The following GJC1 variants were observed in gnomAD, a reference collection of about 807,000 sequenced individuals.
GJC1 encodes gap junction gamma-1 protein.
A neutral mutation model predicts 29.3 loss-of-function variants in GJC1; 5 were observed. The ratio of observed to expected loss-of-function variants is 0.17; its 90% CI spans 0.09 to 0.36. The LOEUF (loss-of-function observed/expected upper bound fraction) is 0.36, where lower values mean the gene tolerates loss of function less well. Among genes scored for constraint, GJC1 ranks in the 10% least tolerant of loss-of-function variants. The probability of loss-of-function intolerance (pLI) is 1.00; values close to 1 mark genes in which losing one functional copy is unlikely to be tolerated. For missense variants in GJC1, 310 were observed against 496.2 expected (o/e 0.62, Z 3.56); for synonymous variants, 177 against 183.3 (o/e 0.97, Z 0.28).
At chr17:44,822,463 G>A (rs934726143) in intron 1 of GJC1, among the ~76,000 whole-genome samples, 3 of 151,494 alleles carry the variant, frequency 2.0e-5, no homozygotes, top group Non-Finnish European at 4.4e-5. Context: ...CCAACATGGT[G>A]AAACCCTATC....
chr17:44,823,091 T>C (rs1218089596), intron 1 of GJC1, among the ~76,000 whole-genome samples: 1 of 152,022 alleles, frequency 6.6e-6, no homozygotes, highest in Non-Finnish European at 1.5e-5. Context: ...AACTGATAAA[T>C]ACTACAAACA....
chr17:44,795,469 G>C (rs1237037960), downstream of GJC1, among the ~76,000 whole-genome samples: 1 of 152,148 alleles, frequency 6.6e-6, no homozygotes, highest in Non-Finnish European at 1.5e-5. Flanking sequence ...TCCTGACCTC[G>C]TGATCCACCC....
intron 1 of GJC1, among the ~76,000 whole-genome samples, chr17:44,818,174 T>C (rs1346582290): frequency 6.6e-6 from 1 of 151,612 alleles, no homozygotes; most frequent in African/African-American, 2.4e-5. Context: ...GATTGCGCCA[T>C]TGCACTCCAG....
intron 1 of GJC1, among the ~76,000 whole-genome samples, chr17:44,811,873 C>T (rs1030919169): frequency 6.6e-6 from 1 of 151,892 alleles, no homozygotes; most frequent in Non-Finnish European, 1.5e-5. Flanking sequence ...CATGGTGGCA[C>T]GTGCCCATAA....
At chr17:44,823,746 C>T (rs1488966893) in intron 1 of GJC1, among the ~76,000 whole-genome samples, 105 of 147,624 alleles carry the variant, frequency 7.1e-4, no homozygotes, top group Admixed American at 1.2e-3. Context: ...GAGTCTTGTT[C>T]TGTCGCCTAG....
downstream of GJC1, chr17:44,794,854 C>T (rs1010136882): frequency 1.3e-5 from 2 of 152,156 alleles, no homozygotes; most frequent in African/African-American, 2.4e-5. Flanking sequence ...AAGACAAAGT[C>T]GGCAGTTCTT....
In GJC1 at chr17:44,802,430, T is replaced by C. The variant is rs1223698962; in HGVS notation, c.*2197A>G. 6.6e-6 allele frequency: 1 copy of C among 152,242 alleles called. No individual in the cohort carries two copies. Among genetic ancestry groups the C allele is most frequent in the Non-Finnish European group, 1.5e-5 (1 of 68,042 alleles). The allele number at this position is 152,242 out of a possible 1,614,324, so 9.4% of individuals were successfully genotyped here. A position where few individuals can be genotyped will look rare whatever the true frequency, so the allele number is the denominator to read the frequency against. On this transcript the variant is annotated 3_prime_UTR_variant, in exon 3 of 3. Coordinates refer to ENST00000592524, the MANE Select transcript of GJC1 (RefSeq NM_005497.4). The stretch of plus-strand genomic sequence containing the variant: ...TGTTAAGAATTAACTGGTAGTTCTT[T>C]ATCTTAGCTAGGCTTATGTATTCCA...
intron 1 of GJC1, among the ~76,000 whole-genome samples, chr17:44,817,458 C>T (rs1443194166): frequency 6.6e-6 from 1 of 151,792 alleles, no homozygotes; most frequent in Non-Finnish European, 1.5e-5. Context: ...TGCCTGTAAT[C>T]CCAGCACTTT....
chr17:44,810,515 CAA>C (rs2049966368), intron 1 of GJC1, among the ~76,000 whole-genome samples: 1 of 152,108 alleles, frequency 6.6e-6, no homozygotes, highest in Non-Finnish European at 1.5e-5. Flanking sequence ...TTTCCATAGA[CAA>C]TCCTAAGAGC....
intron 1 of GJC1, among the ~76,000 whole-genome samples, chr17:44,818,334 G>A (rs1409593126): frequency 5.3e-5 from 8 of 152,130 alleles, no homozygotes; most frequent in Admixed American, 4.6e-4. Flanking sequence ...AACAGAACAA[G>A]CTTTCTTGGT....
chr17:44,812,802 C>T (rs926353562), intron 1 of GJC1, among the ~76,000 whole-genome samples: 2 of 151,784 alleles, frequency 1.3e-5, no homozygotes, highest in Non-Finnish European at 2.9e-5. Context: ...CCCGTGCCAC[C>T]ATGCCCGGCT....
rs995313548 is a variant in GJC1, at chr17:44,803,735, A to C, written c.*892T>G. 1.3e-5 allele frequency: 2 copies of C among 152,230 alleles called. No individual in the cohort carries two copies. The highest frequency in any genetic ancestry group is 2.4e-5 in the African/African-American group (1 of 41,460). The allele number at this position is 152,230 out of a possible 1,614,324, so 9.4% of individuals were successfully genotyped here. ...AGGCAAATCAAACAGGTTCACAACT[A>C]AGCAGCCTATTAGGGATTCCAGGCA... On this transcript the variant is annotated 3_prime_UTR_variant, in exon 3 of 3. Transcript: ENST00000592524.
chr17:44,805,032 T>A lies in GJC1; in HGVS notation c.786A>T (p.Leu262=), dbSNP rs755501283. ...HLGFGTIRDS[L]NSKRRELEDP... ...CCTCAAGTTCCCTCCTTTTACTGTTTAGTGAGTCTCGAATGGTCCCAAACC... is the reference window on the plus strand; with the variant it reads ...CCTCAAGTTCCCTCCTTTTACTGTTAAGTGAGTCTCGAATGGTCCCAAACC... Residue 262 remains leucine, a synonymous_variant, in exon 3 of 3, where the codon CTA becomes CTT. Transcript: ENST00000592524. The surrounding 1 kb of genome is among the most constrained non-coding windows in gnomAD (Gnocchi z 5.1). 1.9e-6 allele frequency: 3 copies of A among 1,614,072 alleles called. No individual in the cohort carries two copies. Among genetic ancestry groups the A allele is most frequent in the Non-Finnish European group, 2.5e-6 (3 of 1,180,032 alleles).
rs59152296 is a variant in GJC1, at chr17:44,822,196, C to CAA, written c.-97+7864_-97+7865dup. On this transcript the variant is annotated intron_variant, in intron 1 of 2. Transcript: ENST00000592524. ...TGGGAGACAGATCGAGACTCCGTCT[C>CAA]AAAAAAAAAAAAAAAAAAAAAAAAA... Among the ~76,000 whole-genome samples, 429 of 47,530 alleles carry CAA rather than the reference C, an allele frequency of 9.0e-3. 46 individuals carry two copies. The highest frequency in any genetic ancestry group is 0.027 in the African/African-American group (386 of 14,488). The allele number at this position is 47,530 out of a possible 152,430, so 31.2% of individuals were successfully genotyped here. A position where few individuals can be genotyped will look rare whatever the true frequency, so the allele number is the denominator to read the frequency against.
rs925636961 is a variant in GJC1 at position 44,802,827 on chromosome 17, T to G, written c.*1800A>C. 6 of 152,026 alleles carry G rather than the reference T, an allele frequency of 3.9e-5. No individual in the cohort carries two copies. Among genetic ancestry groups the G allele is most frequent in the African/African-American group, 1.4e-4 (6 of 41,390 alleles). The allele number at this position is 152,026 out of a possible 1,614,324, so 9.4% of individuals were successfully genotyped here. A position where few individuals can be genotyped will look rare whatever the true frequency, so the allele number is the denominator to read the frequency against. ...CTGGGTAACATAGTGAGACCTCATC[T>G]CTACAAAAAAAATTTTTAAAACAGA... On this transcript the variant is annotated 3_prime_UTR_variant, in exon 3 of 3. Coordinates refer to ENST00000592524, the MANE Select transcript of GJC1 (RefSeq NM_005497.4).
At chr17:44,828,926 C>T (rs1196150556) in intron 1 of GJC1, among the ~76,000 whole-genome samples, 1 of 151,714 alleles carries the variant, frequency 6.6e-6, no homozygotes, top group Non-Finnish European at 1.5e-5. Context: ...TATGCTGTTT[C>T]CTGCTTATCA....
chr17:44,817,746 C>T (rs1567712692), intron 1 of GJC1, among the ~76,000 whole-genome samples: 1 of 151,534 alleles, frequency 6.6e-6, no homozygotes, highest in Non-Finnish European at 1.5e-5. Context: ...TTATTATTTG[C>T]CTAAAATCAT....
intron 1 of GJC1, among the ~76,000 whole-genome samples, chr17:44,828,848 G>A (rs1395971986): frequency 2.0e-5 from 3 of 151,874 alleles, no homozygotes; most frequent in African/African-American, 7.3e-5. Context: ...CCTCTCTAGG[G>A]AGAGAAATAT....
In GJC1 at chr17:44,805,831, G is replaced by A. The variant is rs754867348; in HGVS notation, c.-14C>T. Reference sequence around the variant, plus strand: ...GCTCCAACTCATGGTGATTGAATTGGTATGCCCTGATAAAAGTGGAAAAAT... The same window carrying A: ...GCTCCAACTCATGGTGATTGAATTGATATGCCCTGATAAAAGTGGAAAAAT... On this transcript the variant is annotated 5_prime_UTR_variant, in exon 3 of 3. Transcript: ENST00000592524. This position sits in a 1 kb window ranked among gnomAD's most constrained non-coding sequence, Gnocchi z 5.1. 4.8e-6 allele frequency: 7 copies of A among 1,461,238 alleles called. No homozygotes were observed. Among genetic ancestry groups the A allele is most frequent in the Non-Finnish European group, 6.6e-6 (7 of 1,064,144 alleles). 90.5% of individuals were successfully genotyped at this position (1,461,238 alleles called of 1,614,324 possible).
Sources: allele counts gnomAD v4.1 joint callset (sites outside exome capture counted in the v4.1 genomes callset), GRCh38; gene constraint gnomAD v4.1.1; non-coding constraint Gnocchi (gnomAD v3.1); transcripts MANE v1.5; gene names NCBI Gene and HGNC (gene_info 2026-07-23, HGNC 2026-07-21).